Variants in ABLIM2 observed in about 807,000 individuals in gnomAD.
The protein encoded by ABLIM2 is actin binding LIM protein family member 2.
Under a neutral mutation model 97.7 loss-of-function variants are expected in ABLIM2, and 53 were observed. The ratio of observed to expected loss-of-function variants is 0.54; its 90% CI spans 0.44 to 0.68. The LOEUF is 0.68. Among genes scored for constraint, ABLIM2 ranks in the 30% least tolerant of loss-of-function variants. The pLI is 0.00. For synonymous variants in ABLIM2, 361 were observed against 345.8 expected (o/e 1.04, Z -0.49); for missense variants, 835 against 867.2 (o/e 0.96, Z 0.47).
intron 18 of ABLIM2, 66 bp from the exon 19 acceptor site, chr4:7,983,620 G>C: frequency 1.3e-6 from 2 of 1,587,152 alleles, no homozygotes; most frequent in Middle Eastern, 1.7e-4. Context: ...TCCAAGGTGA[G>C]TGCAATCCCT....
chr4:8,140,558 C>A lies in ABLIM2; in HGVS notation c.10+18122G>T, dbSNP rs373247147. ...GAGCCACACGTGGCCTCTCTTTAAC[C>A]GGCTTCAATGCCCCTTCAAAAACAA... On this transcript the variant is annotated intron_variant, in intron 1 of 20. Coordinates refer to ENST00000447017, the MANE Select transcript of ABLIM2 (RefSeq NM_001130083.2). The surrounding 1 kb of genome is among the most constrained non-coding windows in gnomAD (Gnocchi z 5.9). Among the ~76,000 whole-genome samples, 1 of 152,148 alleles carries A rather than the reference C, an allele frequency of 6.6e-6. No individual in the cohort carries two copies. The highest frequency in any genetic ancestry group is 1.5e-5 in the Non-Finnish European group (1 of 68,032).
At chr4:8,017,098 T>C (rs1232565783) in intron 14 of ABLIM2, among the ~76,000 whole-genome samples, 1 of 152,168 alleles carries the variant, frequency 6.6e-6, no homozygotes, top group Non-Finnish European at 1.5e-5. Flanking sequence ...ATGTCCACAC[T>C]TATTCCTGAC....
chr4:8,110,794 C>T lies in ABLIM2; in HGVS notation c.11-4157G>A, dbSNP rs536764216. Among the ~76,000 whole-genome samples, 26 of 152,292 alleles carry T rather than the reference C, an allele frequency of 1.7e-4. No homozygotes were observed. The South Asian group carries it at 5.2e-3, about 30-fold the overall frequency. ...GGTCATGGCGGAGGCGCTGCCCTCT[C>T]GCGATGGGAGATAGACATTGCGCCG... On this transcript the variant is annotated intron_variant, in intron 1 of 20. Coordinates refer to ENST00000447017, the MANE Select transcript of ABLIM2 (RefSeq NM_001130083.2).
intron 2 of ABLIM2, among the ~76,000 whole-genome samples, chr4:8,104,749 C>A (rs1332609958): frequency 1.3e-5 from 2 of 152,120 alleles, no homozygotes; most frequent in South Asian, 4.1e-4. Flanking sequence ...TGGCCTCTGA[C>A]CTCCTCCAGG....
At chr4:8,026,603 T>C (rs1579027513) in intron 12 of ABLIM2, among the ~76,000 whole-genome samples, 1 of 152,374 alleles carries the variant, frequency 6.6e-6, no homozygotes, top group African/African-American at 2.4e-5. Flanking sequence ...AATTATTGCA[T>C]TGCTTGGGGA....
chr4:8,027,428 G>A (rs1409610366), intron 12 of ABLIM2, among the ~76,000 whole-genome samples: 3 of 152,218 alleles, frequency 2.0e-5, no homozygotes, highest in Non-Finnish European at 4.4e-5. Context: ...CCCCCCGGCT[G>A]ACACATGAAA....
rs577881251 is a variant in ABLIM2, at chr4:8,124,512, G to A, written c.11-17875C>T. On this transcript the variant is annotated intron_variant, in intron 1 of 20. Transcript: ENST00000447017. The surrounding 1 kb of genome is among the most constrained non-coding windows in gnomAD (Gnocchi z 6.1). ...ATGCGAACGGAATCCCACACTGCGT[G>A]GTCCTTCGCGACTGGCTTCTTTCAC... Among the ~76,000 whole-genome samples the A allele has an allele frequency of 6.6e-6, 1 of 152,152 alleles. No homozygotes were observed. Among genetic ancestry groups the A allele is most frequent in the Non-Finnish European group, 1.5e-5 (1 of 68,028 alleles).
At chr4:8,042,953 C>T (rs763672883) in intron 9 of ABLIM2, among the ~76,000 whole-genome samples, 4 of 151,722 alleles carry the variant, frequency 2.6e-5, no homozygotes, top group Non-Finnish European at 2.9e-5. Flanking sequence ...GAGTTCAAGA[C>T]CAGCCCGGGC....
chr4:8,018,628 G>A (rs1771238036), intron 14 of ABLIM2, among the ~76,000 whole-genome samples: 1 of 152,190 alleles, frequency 6.6e-6, no homozygotes, highest in Admixed American at 6.5e-5. Context: ...TATTTTAAAA[G>A]TTTGTATAAC....
intron 7 of ABLIM2, among the ~76,000 whole-genome samples, chr4:8,055,701 C>T (rs1798636643): frequency 6.6e-6 from 1 of 152,216 alleles, no homozygotes; most frequent in Non-Finnish European, 1.5e-5. Flanking sequence ...TTCATGGCGG[C>T]TCGTTTCTAG....
At chr4:7,980,330 G>A (rs1222510813) in intron 20 of ABLIM2, among the ~76,000 whole-genome samples, 2 of 152,142 alleles carry the variant, frequency 1.3e-5, no homozygotes, top group African/African-American at 2.4e-5. Context: ...ATTCCTGTAT[G>A]ACTCTAGTAT....
intron 1 of ABLIM2, among the ~76,000 whole-genome samples, chr4:8,116,558 G>A (rs1009406778): frequency 3.3e-5 from 5 of 152,204 alleles, no homozygotes; most frequent in African/African-American, 1.2e-4. Flanking sequence ...CAGACAAATG[G>A]CTCCATCTAT....
chr4:8,143,360 G>C (rs1216444750), intron 1 of ABLIM2, among the ~76,000 whole-genome samples: 1 of 152,194 alleles, frequency 6.6e-6, no homozygotes, highest in African/African-American at 2.4e-5. Flanking sequence ...CTACCAGCCA[G>C]GTGCTATGGG....
chr4:8,122,598 G>T lies in ABLIM2; in HGVS notation c.11-15961C>A, dbSNP rs1845982435. ...ATCTAAACCCCATCACCTCCCCAAG[G>T]CCCCTCCTCCAAATAGCGTCACCCT... On this transcript the variant is annotated intron_variant, in intron 1 of 20. Transcript: ENST00000447017. This position sits in a 1 kb window ranked among gnomAD's most constrained non-coding sequence, Gnocchi z 4.1. Among the ~76,000 whole-genome samples the T allele has an allele frequency of 1.3e-5, 2 of 152,098 alleles. No individual in the cohort carries two copies. The highest frequency in any genetic ancestry group is 2.1e-4 in the South Asian group (1 of 4,826).
rs1407125937 is a variant in ABLIM2, at chr4:8,124,835, C to T, written c.11-18198G>A. 2.0e-5 allele frequency among the ~76,000 whole-genome samples: 3 copies of T among 152,264 alleles called. No individual in the cohort carries two copies. Among genetic ancestry groups the T allele is most frequent in the East Asian group, 1.9e-4 (1 of 5,174 alleles). On this transcript the variant is annotated intron_variant, in intron 1 of 20. Coordinates refer to ENST00000447017, the MANE Select transcript of ABLIM2 (RefSeq NM_001130083.2). The surrounding 1 kb of genome is among the most constrained non-coding windows in gnomAD (Gnocchi z 6.1). The stretch of plus-strand genomic sequence containing the variant: ...TGCCACCTTTCAAGGAACAGTCAGA[C>T]TATTTTCCACACCGGGTTCTGATTT...
At position 8,127,691 on chromosome 4, in the gene ABLIM2, G is replaced by A; in HGVS notation, c.11-21054C>T. The A allele has an allele frequency of 8.0e-7, 1 of 1,256,840 alleles. No homozygotes were observed. Among genetic ancestry groups the A allele is most frequent in the Non-Finnish European group, 1.0e-6 (1 of 967,126 alleles). 77.9% of individuals were successfully genotyped at this position (1,256,840 alleles called of 1,614,324 possible). A position where few individuals can be genotyped will look rare whatever the true frequency, so the allele number is the denominator to read the frequency against. On this transcript the variant is annotated intron_variant, in intron 1 of 20. Coordinates refer to ENST00000447017, the MANE Select transcript of ABLIM2 (RefSeq NM_001130083.2). The surrounding 1 kb of genome is among the most constrained non-coding windows in gnomAD (Gnocchi z 7.3). The stretch of plus-strand genomic sequence containing the variant: ...GGGGAAGAGCCTCTGTGGCCCACAG[G>A]GCTCCCACAAGGTCACGTGGCAGCT...
intron 1 of ABLIM2, among the ~76,000 whole-genome samples, chr4:8,152,298 G>C (rs556931651): frequency 7.2e-5 from 11 of 152,348 alleles, no homozygotes; most frequent in South Asian, 6.2e-4. Context: ...GGGCACACTG[G>C]GGTTCAAATC....
chr4:8,082,108 G>T lies in ABLIM2; in HGVS notation c.455-1306C>A, dbSNP rs1048635962. Among the ~76,000 whole-genome samples, 2 of 152,178 alleles carry T rather than the reference G, an allele frequency of 1.3e-5. No homozygotes were observed. Among genetic ancestry groups the T allele is most frequent in the Non-Finnish European group, 1.5e-5 (1 of 68,018 alleles). ...AGGGCCTCGGACCCCGTAATGGACA[G>T]GGAGGAAGAGGGTGTCTGACAAACA... On this transcript the variant is annotated intron_variant, in intron 4 of 20. Coordinates refer to ENST00000447017, the MANE Select transcript of ABLIM2 (RefSeq NM_001130083.2). The surrounding 1 kb of genome is among the most constrained non-coding windows in gnomAD (Gnocchi z 5.6).
chr4:8,036,004 G>A, intron 10 of ABLIM2, 145 bp downstream of exon 10: 1 of 1,001,842 alleles, frequency 1.0e-6, no homozygotes, highest in Non-Finnish European at 1.4e-6. Flanking sequence ...GCTATCTGAT[G>A]GGCGTGAAGA....
Sources: allele counts gnomAD v4.1 joint callset (sites outside exome capture counted in the v4.1 genomes callset), GRCh38; gene constraint gnomAD v4.1.1; non-coding constraint Gnocchi (gnomAD v3.1); transcripts MANE v1.5; gene names NCBI Gene and HGNC (gene_info 2026-07-23, HGNC 2026-07-21).